The following SEC24A variants were observed in gnomAD, a reference collection of about 807,000 sequenced individuals.
SEC24A encodes SEC24 homolog A, COPII component.
SEC24A carries 93 observed loss-of-function variants against 129.4 expected under a neutral mutation model. The observed-to-expected ratio is 0.72, with a 90% confidence interval of 0.61 to 0.85. The LOEUF (loss-of-function observed/expected upper bound fraction) is 0.85, where lower values mean the gene tolerates loss of function less well. Ranked by LOEUF, SEC24A falls within the 40% of genes least tolerant of loss-of-function variation. SEC24A has a pLI of 0.00. For synonymous variants in SEC24A, 460 were observed against 467.3 expected (o/e 0.98, Z 0.20); for missense variants, 1,264 against 1,307.4 (o/e 0.97, Z 0.51).
Position 134,693,493 on chromosome 5 carries a change from G to A in SEC24A, c.1780-234G>A, listed in dbSNP as rs971213781. The A allele has an allele frequency of 5.0e-6, 7 of 1,408,092 alleles. No individual in the cohort carries two copies. The African/African-American group carries it at 8.7e-5, about 17-fold the overall frequency. The allele number at this position is 1,408,092 out of a possible 1,614,324, so 87.2% of individuals were successfully genotyped here. A position where few individuals can be genotyped will look rare whatever the true frequency, so the allele number is the denominator to read the frequency against. Reference sequence around the variant, plus strand: ...TACATTTTGGACTTATAGTCTTGCTGGACTACTGCATGTGCAAGAACTGTA... The same window carrying A: ...TACATTTTGGACTTATAGTCTTGCTAGACTACTGCATGTGCAAGAACTGTA... On this transcript the variant is annotated intron_variant, in intron 12 of 22. Coordinates refer to ENST00000398844, the MANE Select transcript of SEC24A (RefSeq NM_021982.3).
chr5:134,659,565 A>G (rs938116189), intron 1 of SEC24A, among the ~76,000 whole-genome samples: 1 of 152,040 alleles, frequency 6.6e-6, no homozygotes, highest in Non-Finnish European at 1.5e-5. Context: ...GTTACTCACA[A>G]TAGGTCTATG....
At chr5:134,679,478 T>A (rs1751185300) in intron 7 of SEC24A, 124 bp from the exon 8 acceptor site, 2 of 556,190 alleles carry the variant, frequency 3.6e-6, no homozygotes, top group Non-Finnish European at 6.1e-6. Flanking sequence ...ATACATCTTG[T>A]ACTCTAAGTT....
intron 1 of SEC24A, among the ~76,000 whole-genome samples, chr5:134,651,278 A>G (rs1049567609): frequency 6.8e-6 from 1 of 147,956 alleles, no homozygotes; most frequent in Admixed American, 6.8e-5. Flanking sequence ...TATATAATAT[A>G]TATATATAAT....
At chr5:134,695,318 G>C (rs570663164) in intron 13 of SEC24A, among the ~76,000 whole-genome samples, 62 of 151,962 alleles carry the variant, frequency 4.1e-4, no homozygotes, top group African/African-American at 1.5e-3. Context: ...GTGAGATCGT[G>C]CCACTACACT....
intron 15 of SEC24A, among the ~76,000 whole-genome samples, chr5:134,702,925 C>T (rs574419669): frequency 4.6e-5 from 7 of 151,912 alleles, no homozygotes; most frequent in South Asian, 4.2e-4. Context: ...CCACCATGCC[C>T]GGCTAATTTT....
rs147917643 is a variant in SEC24A, at chr5:134,653,498, G to A, written c.97+4325G>A. Among the ~76,000 whole-genome samples, 1,168 of 152,232 alleles carry A rather than the reference G, an allele frequency of 7.7e-3. 17 individuals carry two copies. Among genetic ancestry groups the A allele is most frequent in the African/African-American group, 0.027 (1,106 of 41,556 alleles). ...ACTCCTGGACTCAAGTAATCCTCCT[G>A]CCTTGGCCTCCCAAAGAGCTAGGAT... On this transcript the variant is annotated intron_variant, in intron 1 of 22. Transcript: ENST00000398844.
chr5:134,719,151 G>T (rs1319291054), intron 20 of SEC24A, among the ~76,000 whole-genome samples: 1 of 152,106 alleles, frequency 6.6e-6, no homozygotes, highest in Non-Finnish European at 1.5e-5. Flanking sequence ...GGATGCCAAG[G>T]CAGGCGGATT....
At chr5:134,705,587 TGC>T in intron 17 of SEC24A, 150 bp downstream of exon 17, 1 of 537,392 alleles carries the variant, frequency 1.9e-6, no homozygotes, top group Non-Finnish European at 3.3e-6. Flanking sequence ...AAAGATCTGC[TGC>T]AGATAATCTT....
At position 134,649,180 on chromosome 5, in the gene SEC24A, G is replaced by A. The variant is rs1341695569; in HGVS notation, c.97+7G>A. On this transcript the variant is annotated splice_region_variant and intron_variant, in intron 1 of 22. Coordinates refer to ENST00000398844, the MANE Select transcript of SEC24A (RefSeq NM_021982.3). ...GGGTCTCCCTACACCAACGGTGAGT[G>A]CTGTCCGGGGGGAGGGCGCAGCCTG... 4 of 1,592,838 alleles carry A rather than the reference G, an allele frequency of 2.5e-6. No individual in the cohort carries two copies. Among genetic ancestry groups the A allele is most frequent in the African/African-American group, 2.7e-5 (2 of 73,798 alleles).
intron 1 of SEC24A, among the ~76,000 whole-genome samples, chr5:134,658,452 G>T (rs1411959744): frequency 6.6e-6 from 1 of 152,046 alleles, no homozygotes; most frequent in African/African-American, 2.4e-5. Flanking sequence ...TGTAGCCCAG[G>T]GTGGAATGCC....
At chr5:134,716,495 A>G (rs1443731045) in intron 19 of SEC24A, among the ~76,000 whole-genome samples, 1 of 150,984 alleles carries the variant, frequency 6.6e-6, no homozygotes, top group African/African-American at 2.4e-5. Context: ...AACCTTTGAA[A>G]ATTTAAAGAA....
intron 20 of SEC24A, among the ~76,000 whole-genome samples, chr5:134,719,549 G>A (rs918579298): frequency 1.8e-4 from 27 of 151,864 alleles, no homozygotes; most frequent in African/African-American, 5.8e-4. Flanking sequence ...AAATCCAGGC[G>A]TGGTCACGTG....
At chr5:134,693,536 G>T in intron 12 of SEC24A, 191 bp from the exon 13 acceptor site, 2 of 1,427,304 alleles carry the variant, frequency 1.4e-6, no homozygotes, top group Non-Finnish European at 1.8e-6. Flanking sequence ...ACTTTGATTT[G>T]TCTTGCTTGC....
At chr5:134,662,972 T>C (rs2150073494) in intron 2 of SEC24A, among the ~76,000 whole-genome samples, 1 of 152,246 alleles carries the variant, frequency 6.6e-6, no homozygotes, top group African/African-American at 2.4e-5. Flanking sequence ...CGCTCCGGCC[T>C]AGGTGACAGA....
chr5:134,659,366 C>G (rs758858969), intron 1 of SEC24A, among the ~76,000 whole-genome samples: 4 of 152,100 alleles, frequency 2.6e-5, no homozygotes, highest in Non-Finnish European at 5.9e-5. Context: ...GCCACCGCGC[C>G]TGGCCTCACA....
chr5:134,699,130 A>G (rs888420912), intron 15 of SEC24A, among the ~76,000 whole-genome samples: 14 of 150,218 alleles, frequency 9.3e-5, no homozygotes, highest in Non-Finnish European at 1.8e-4. Context: ...GGGTCTCCCT[A>G]TGTTGCCCAG....
chr5:134,655,002 A>G (rs1419193523), intron 1 of SEC24A, among the ~76,000 whole-genome samples: 1 of 151,938 alleles, frequency 6.6e-6, no homozygotes, highest in Non-Finnish European at 1.5e-5. Flanking sequence ...GGTGTGAACC[A>G]CTACGCCTGG....
At chr5:134,649,299 T>C (rs1749968831) in intron 1 of SEC24A, 126 bp downstream of exon 1, 2 of 610,620 alleles carry the variant, frequency 3.3e-6, no homozygotes, top group Non-Finnish European at 5.4e-6. Context: ...CGGATGGTGG[T>C]GGGCGGCTGG....
intron 18 of SEC24A, among the ~76,000 whole-genome samples, chr5:134,711,595 G>A (rs901102306): frequency 7.5e-6 from 1 of 133,016 alleles, no homozygotes. Context: ...TAACAGTCTC[G>A]CTATGTCGCC....
Sources: gnomAD v4.1 joint callset for allele counts (sites outside exome capture counted in the v4.1 genomes callset) on GRCh38, gnomAD v4.1.1 for gene constraint, MANE v1.5 for transcripts, NCBI Gene and HGNC (gene_info 2026-07-23, HGNC 2026-07-21) for gene names.